The following SLC35F1 variants were observed in gnomAD, a reference collection of about 807,000 sequenced individuals.
SLC35F1 encodes chromosome 6 open reading frame 169.
SLC35F1 carries 14 observed loss-of-function variants against 48.7 expected under a neutral mutation model. That is an observed-to-expected ratio of 0.29 (90% CI 0.19 to 0.45). The LOEUF is 0.45. SLC35F1 is among the 20% of genes least tolerant of loss of function. The pLI, the probability that SLC35F1 is intolerant of heterozygous loss-of-function variation, is 1.00. For missense variants in SLC35F1, 404 were observed against 500.0 expected (o/e 0.81, Z 1.83); for synonymous variants, 190 against 202.2 (o/e 0.94, Z 0.51).
intron 1 of SLC35F1, among the ~76,000 whole-genome samples, chr6:118,071,034 A>ATG (rs372414879): frequency 9.5e-4 from 59 of 62,118 alleles, no homozygotes; most frequent in African/African-American, 2.1e-3. Flanking sequence ...TTCTACGTGT[A>ATG]TATATATACA....
intron 1 of SLC35F1, among the ~76,000 whole-genome samples, chr6:118,148,921 T>A (rs965835795): frequency 1.3e-5 from 2 of 152,162 alleles, no homozygotes; most frequent in African/African-American, 2.4e-5. Context: ...TCAGAGCTAG[T>A]AGTTTTTCAA....
intron 3 of SLC35F1, among the ~76,000 whole-genome samples, chr6:118,258,270 T>TA (rs773841888): frequency 1.3e-5 from 2 of 152,150 alleles, no homozygotes; most frequent in Non-Finnish European, 2.9e-5. Flanking sequence ...TGTGACTATC[T>TA]AATTTTTCTA....
intron 1 of SLC35F1, among the ~76,000 whole-genome samples, chr6:118,120,373 G>A (rs191479437): frequency 7.3e-4 from 111 of 152,220 alleles, no homozygotes; most frequent in Middle Eastern, 3.4e-3. Flanking sequence ...CATTCTAAGA[G>A]TAGATGAGAA....
intron 2 of SLC35F1, among the ~76,000 whole-genome samples, chr6:118,185,438 T>C (rs1433017620): frequency 6.6e-6 from 1 of 151,976 alleles, no homozygotes; most frequent in African/African-American, 2.4e-5. Flanking sequence ...AGGGTAGGAA[T>C]AGAGAAAAAT....
At chr6:118,173,385 TA>T (rs571653145) in intron 2 of SLC35F1, among the ~76,000 whole-genome samples, 5 of 129,366 alleles carry the variant, frequency 3.9e-5, no homozygotes, top group South Asian at 2.4e-4. Flanking sequence ...AAGAGTTAGT[TA>T]AAAAAAAAAC....
chr6:118,274,934 A>C (rs73514283), intron 4 of SLC35F1, among the ~76,000 whole-genome samples: 7,588 of 152,152 alleles, frequency 0.05, 659 homozygotes, highest in African/African-American at 0.17. Flanking sequence ...ATGTATACTG[A>C]TTCTGTTTGT....
chr6:118,250,475 T>C (rs968582982), intron 3 of SLC35F1, among the ~76,000 whole-genome samples: 3 of 152,132 alleles, frequency 2.0e-5, no homozygotes, highest in Non-Finnish European at 2.9e-5. Flanking sequence ...AGAGAAAAAT[T>C]CCTGCGCTTA....
At chr6:118,122,739 G>A (rs138163712) in intron 1 of SLC35F1, among the ~76,000 whole-genome samples, 276 of 152,250 alleles carry the variant, frequency 1.8e-3, no homozygotes, top group African/African-American at 6.4e-3. Context: ...GCAGGCAGCC[G>A]CAAAGAAAAG....
chr6:118,203,654 T>C (rs1365523771), intron 2 of SLC35F1, among the ~76,000 whole-genome samples: 1 of 152,170 alleles, frequency 6.6e-6, no homozygotes, highest in Non-Finnish European at 1.5e-5. Flanking sequence ...TGCCAAGACT[T>C]GTAGGAAAGC....
chr6:118,310,525 A>T (rs894893040), intron 7 of SLC35F1, among the ~76,000 whole-genome samples: 6 of 151,924 alleles, frequency 3.9e-5, no homozygotes, highest in Admixed American at 6.6e-5. Flanking sequence ...TTTTTTTTTA[A>T]AAAAATAAAA....
intron 1 of SLC35F1, among the ~76,000 whole-genome samples, chr6:117,926,465 AAAG>A (rs1340581369): frequency 6.6e-6 from 1 of 152,100 alleles, no homozygotes; most frequent in African/African-American, 2.4e-5. Context: ...ACAACTAGAA[AAAG>A]AGGAGGACAT....
At chr6:118,021,644 C>T (rs1777396548) in intron 1 of SLC35F1, among the ~76,000 whole-genome samples, 1 of 152,146 alleles carries the variant, frequency 6.6e-6, no homozygotes, top group Non-Finnish European at 1.5e-5. Flanking sequence ...TCCATTTATG[C>T]CCATGGAATT....
chr6:118,293,570 G>T (rs939334909), intron 7 of SLC35F1, among the ~76,000 whole-genome samples: 1 of 152,166 alleles, frequency 6.6e-6, no homozygotes, highest in Non-Finnish European at 1.5e-5. Flanking sequence ...GGATTAGGGT[G>T]TGAATATCTT....
chr6:118,012,672 G>A (rs1777266054), intron 1 of SLC35F1, among the ~76,000 whole-genome samples: 1 of 152,182 alleles, frequency 6.6e-6, no homozygotes, highest in African/African-American at 2.4e-5. Flanking sequence ...GAGATGAAGT[G>A]AGAGCTCTGA....
Position 117,907,906 on chromosome 6 carries a change from G to C in SLC35F1, c.173+7G>C, listed in dbSNP as rs539000565. ...TCCGCAAAGTGCTGAACAGGTGAGCGGCGGCGCCGGGCGAGGGCGCGGGGG... is the reference window on the plus strand; with the variant it reads ...TCCGCAAAGTGCTGAACAGGTGAGCCGCGGCGCCGGGCGAGGGCGCGGGGG... On this transcript the variant is annotated splice_region_variant and intron_variant, in intron 1 of 7. Transcript: ENST00000360388. 3.0e-6 allele frequency: 4 copies of C among 1,325,748 alleles called. No individual in the cohort carries two copies. The highest frequency in any genetic ancestry group is 3.8e-6 in the Non-Finnish European group (4 of 1,043,720). 82.1% of individuals were successfully genotyped at this position (1,325,748 alleles called of 1,614,324 possible).
intron 1 of SLC35F1, among the ~76,000 whole-genome samples, chr6:117,916,068 T>C (rs1412598922): frequency 6.6e-6 from 1 of 152,170 alleles, no homozygotes; most frequent in Admixed American, 6.5e-5. Context: ...CTGAGTGAGC[T>C]AGAGGCTGCT....
At chr6:117,934,653 A>G (rs1389759848) in intron 1 of SLC35F1, among the ~76,000 whole-genome samples, 1 of 152,228 alleles carries the variant, frequency 6.6e-6, no homozygotes, top group Non-Finnish European at 1.5e-5. Context: ...AATATCAAAC[A>G]TATGAATTAG....
chr6:118,075,031 C>T (rs1050224015), intron 1 of SLC35F1, among the ~76,000 whole-genome samples: 1 of 152,112 alleles, frequency 6.6e-6, no homozygotes, highest in Admixed American at 6.6e-5. Context: ...TTTCCAATGC[C>T]TTTTTTATGC....
chr6:118,307,664 C>A (rs1438603325), intron 7 of SLC35F1, among the ~76,000 whole-genome samples: 2 of 152,036 alleles, frequency 1.3e-5, no homozygotes, highest in East Asian at 3.9e-4. Context: ...AGTGCAGAGC[C>A]AAAATTAGGA....
Sources: gnomAD v4.1 joint callset for allele counts (sites outside exome capture counted in the v4.1 genomes callset) on GRCh38, gnomAD v4.1.1 for gene constraint, MANE v1.5 for transcripts, NCBI Gene and HGNC (gene_info 2026-07-23, HGNC 2026-07-21) for gene names.